CYP2C19: variants seen among roughly 807,000 people sequenced by gnomAD.
CYP2C19 encodes the protein cytochrome P450 2C19.
A neutral mutation model predicts 40.9 loss-of-function variants in CYP2C19; 59 were observed. That is an observed-to-expected ratio of 1.44 (90% CI 1.17 to 1.79). CYP2C19 has a LOEUF of 1.79. Among genes scored for constraint, CYP2C19 ranks in the 40% most tolerant of loss-of-function variants. The pLI is 0.00. For synonymous variants in CYP2C19, 253 were observed against 208.7 expected (o/e 1.21, Z -1.83); for missense variants, 754 against 596.9 (o/e 1.26, Z -2.74).
chr10:94,820,281 A>G (rs1025735439), intron 5 of CYP2C19, among the ~76,000 whole-genome samples: 1 of 152,180 alleles, frequency 6.6e-6, no homozygotes, highest in Middle Eastern at 3.4e-3. Flanking sequence ...CACAGCCAAT[A>G]TCATACTGAA....
intron 6 of CYP2C19, among the ~76,000 whole-genome samples, chr10:94,827,615 C>T (rs959300222): frequency 6.6e-6 from 1 of 152,168 alleles, no homozygotes; most frequent in Non-Finnish European, 1.5e-5. Context: ...AAAAAACCAG[C>T]TCCTGGATTC....
At chr10:94,811,266 T>G (rs188480017) in intron 5 of CYP2C19, among the ~76,000 whole-genome samples, 1 of 152,318 alleles carries the variant, frequency 6.6e-6, no homozygotes, top group Admixed American at 6.5e-5. Flanking sequence ...TAATTTCTGT[T>G]CTTTTGTATT....
chr10:94,816,172 T>A (rs1848998527), intron 5 of CYP2C19, among the ~76,000 whole-genome samples: 1 of 151,964 alleles, frequency 6.6e-6, no homozygotes, highest in Admixed American at 6.6e-5. Flanking sequence ...AAGCATGGAA[T>A]AAGGGGGTAG....
chr10:94,837,788 G>T (rs1168419953), intron 6 of CYP2C19, among the ~76,000 whole-genome samples: 1 of 152,146 alleles, frequency 6.6e-6, no homozygotes, highest in African/African-American at 2.4e-5. Context: ...GCTGGGGCTT[G>T]CCCCAGGCAC....
At chr10:94,792,216 T>C (rs1446446701) in intron 5 of CYP2C19, among the ~76,000 whole-genome samples, 2 of 152,180 alleles carry the variant, frequency 1.3e-5, no homozygotes, top group Non-Finnish European at 2.9e-5. Flanking sequence ...ATTTACTTGG[T>C]AGATCTTCCT....
At chr10:94,783,788 C>T (rs2134241568) in intron 5 of CYP2C19, among the ~76,000 whole-genome samples, 1 of 152,124 alleles carries the variant, frequency 6.6e-6, no homozygotes. Flanking sequence ...TTCTGGGTCC[C>T]TTGAATCTTC....
chr10:94,834,113 G>A (rs1202141619), intron 6 of CYP2C19, among the ~76,000 whole-genome samples: 3 of 152,162 alleles, frequency 2.0e-5, no homozygotes, highest in African/African-American at 7.2e-5. Context: ...AAATTCAGCA[G>A]TGAAGCCATC....
At chr10:94,827,553 C>T (rs373643742) in intron 6 of CYP2C19, among the ~76,000 whole-genome samples, 7 of 152,076 alleles carry the variant, frequency 4.6e-5, no homozygotes, top group Admixed American at 2.6e-4. Context: ...TCTTCTCTCT[C>T]TTTTTCTTTA....
intron 1 of CYP2C19, among the ~76,000 whole-genome samples, chr10:94,763,085 A>C (rs1211824493): frequency 1.3e-5 from 2 of 152,198 alleles, no homozygotes; most frequent in East Asian, 1.9e-4. Flanking sequence ...AGGTCTTTGC[A>C]TGTTAAATTC....
intron 7 of CYP2C19, among the ~76,000 whole-genome samples, chr10:94,847,485 T>A (rs1002525392): frequency 3.9e-5 from 6 of 152,158 alleles, no homozygotes; most frequent in African/African-American, 1.4e-4. Flanking sequence ...CATTGTTGGA[T>A]ATTTGGGTTG....
At chr10:94,830,438 CT>C (rs1023109853) in intron 6 of CYP2C19, among the ~76,000 whole-genome samples, 66 of 152,296 alleles carry the variant, frequency 4.3e-4, no homozygotes, top group African/African-American at 1.5e-3. Context: ...TCTGTCACCC[CT>C]TTCTTTGACT....
Position 94,828,754 on chromosome 10 carries a change from A to G in CYP2C19, c.961+8117A>G, listed in dbSNP as rs545233050. ...TCGTTAGTTGATGCAGTTTCTTCCT[A>G]GACTCGATGGTCTTTACATTTTGGC... On this transcript the variant is annotated intron_variant, in intron 6 of 8. Transcript: ENST00000371321. Among the ~76,000 whole-genome samples the G allele has an allele frequency of 7.1e-3, 1,084 of 152,126 alleles. 11 individuals are homozygous for G. The highest frequency in any genetic ancestry group is 0.011 in the Non-Finnish European group (733 of 68,024).
At chr10:94,852,073 T>C (rs1253115489) in intron 8 of CYP2C19, among the ~76,000 whole-genome samples, 1 of 152,170 alleles carries the variant, frequency 6.6e-6, no homozygotes, top group Admixed American at 6.6e-5. Flanking sequence ...ACCTAGTGTG[T>C]TGGGGACTGA....
chr10:94,800,441 C>G (rs949679315), intron 5 of CYP2C19, among the ~76,000 whole-genome samples: 5 of 152,200 alleles, frequency 3.3e-5, no homozygotes, highest in African/African-American at 1.2e-4. Flanking sequence ...CTGTTGGCCC[C>G]TACTGGGAGT....
intron 1 of CYP2C19, among the ~76,000 whole-genome samples, chr10:94,770,876 T>C (rs1034013431): frequency 1.3e-5 from 2 of 152,164 alleles, no homozygotes; most frequent in Non-Finnish European, 2.9e-5. Context: ...ATACTGGGGA[T>C]GGCTTGCTGA....
intron 5 of CYP2C19, among the ~76,000 whole-genome samples, chr10:94,813,289 T>C (rs1266572460): frequency 1.3e-5 from 2 of 152,020 alleles, no homozygotes; most frequent in African/African-American, 4.8e-5. Flanking sequence ...AGCTCTTTTG[T>C]ATGAGGTGTC....
At position 94,805,421 on chromosome 10, in the gene CYP2C19, A is replaced by C. The variant is rs12221433; in HGVS notation, c.820-15075A>C. Among the ~76,000 whole-genome samples, 741 of 152,196 alleles carry C rather than the reference A, an allele frequency of 4.9e-3. 48 individuals carry two copies. The East Asian group carries it at 0.13, about 26-fold the overall frequency. On this transcript the variant is annotated intron_variant, in intron 5 of 8. Transcript: ENST00000371321. The stretch of plus-strand genomic sequence containing the variant: ...CTTGTTTATTGTGTGTAATCTTTTA[A>C]ATTTTGTAAAAAATGTTGTGGCAAA...
intron 4 of CYP2C19, among the ~76,000 whole-genome samples, chr10:94,780,991 T>C (rs1317604247): frequency 6.6e-6 from 1 of 151,996 alleles, no homozygotes. Context: ...CACTTTGGAG[T>C]CTTCCATTAC....
intron 8 of CYP2C19, among the ~76,000 whole-genome samples, chr10:94,850,778 G>T (rs941420959): frequency 1.3e-5 from 2 of 152,146 alleles, no homozygotes; most frequent in African/African-American, 2.4e-5. Flanking sequence ...CTAAATAAAG[G>T]ATATTAAAAC....
Sources: allele counts gnomAD v4.1 joint callset (sites outside exome capture counted in the v4.1 genomes callset), GRCh38; gene constraint gnomAD v4.1.1; transcripts MANE v1.5; gene names NCBI Gene and HGNC (gene_info 2026-07-23, HGNC 2026-07-21).